RORB: variants seen among roughly 807,000 people sequenced by gnomAD.
The protein encoded by RORB is nuclear receptor ROR-beta.
In RORB, 6 loss-of-function variants were observed where a neutral mutation model predicts 59.1. That is an observed-to-expected ratio of 0.10 (90% confidence interval 0.06 to 0.20). The LOEUF (loss-of-function observed/expected upper bound fraction) is 0.20, where lower values mean the gene tolerates loss of function less well. Among genes scored for constraint, RORB ranks in the 10% least tolerant of loss-of-function variants. RORB has a pLI of 1.00. For synonymous variants in RORB, 215 were observed against 204.5 expected, an observed-to-expected ratio of 1.05 and a Z score of -0.44; for missense variants, 320 against 560.5, an observed-to-expected ratio of 0.57 and a Z score of 4.33.
At chr9:74,674,350 C>T (rs1824398925) in intron 9 of RORB, among the ~76,000 whole-genome samples, 2 of 152,162 alleles carry the variant, frequency 1.3e-5, no homozygotes, top group African/African-American at 2.4e-5. Flanking sequence ...TGAAACCTGT[C>T]TCTAAAAAAA....
chr9:74,618,148 C>A (rs948668234), intron 1 of RORB, among the ~76,000 whole-genome samples: 10 of 152,124 alleles, frequency 6.6e-5, no homozygotes, highest in African/African-American at 2.4e-4. Context: ...CACACACGCA[C>A]ACACACGCGC....
chr9:74,512,163 T>C (rs553138783), intron 1 of RORB, among the ~76,000 whole-genome samples: 5 of 152,326 alleles, frequency 3.3e-5, no homozygotes, highest in African/African-American at 4.8e-5. Context: ...GATACTCATA[T>C]AGAAAAATTA....
chr9:74,607,609 T>TATAC (rs1554669724), intron 1 of RORB, among the ~76,000 whole-genome samples: 7 of 151,580 alleles, frequency 4.6e-5, no homozygotes, highest in Admixed American at 4.6e-4. Flanking sequence ...TTTATATATA[T>TATAC]ACACACACAC....
intron 1 of RORB, among the ~76,000 whole-genome samples, chr9:74,606,674 CGT>C (rs1823154206): frequency 6.6e-6 from 1 of 152,098 alleles, no homozygotes; most frequent in African/African-American, 2.4e-5. Context: ...CCTTAGAAGA[CGT>C]AAGATGAGAA....
chr9:74,557,585 G>T (rs1411631006), intron 1 of RORB, among the ~76,000 whole-genome samples: 1 of 152,066 alleles, frequency 6.6e-6, no homozygotes, highest in African/African-American at 2.4e-5. Flanking sequence ...ATATAATCAG[G>T]TATGCAAATA....
intron 1 of RORB, among the ~76,000 whole-genome samples, chr9:74,499,818 C>A (rs1460976481): frequency 6.6e-6 from 1 of 152,174 alleles, no homozygotes; most frequent in Non-Finnish European, 1.5e-5. Context: ...TAACTTTCCC[C>A]CTGTGGCTGG....
At chr9:74,517,847 T>G (rs1246057688) in intron 1 of RORB, among the ~76,000 whole-genome samples, 1 of 152,068 alleles carries the variant, frequency 6.6e-6, no homozygotes, top group Non-Finnish European at 1.5e-5. Context: ...TAATTCTTGT[T>G]GAACACTCAC....
At chr9:74,680,548 A>C (rs765048266) in intron 9 of RORB, among the ~76,000 whole-genome samples, 10 of 152,218 alleles carry the variant, frequency 6.6e-5, no homozygotes, top group Non-Finnish European at 1.2e-4. Context: ...AGGCACTGCC[A>C]CACGGATGCT....
At chr9:74,569,947 CT>C (rs965946116) in intron 1 of RORB, among the ~76,000 whole-genome samples, 2 of 151,898 alleles carry the variant, frequency 1.3e-5, no homozygotes, top group Non-Finnish European at 2.9e-5. Flanking sequence ...TGATTAAGAT[CT>C]TTTTTATTTT....
At chr9:74,577,223 C>A (rs1391395643) in intron 1 of RORB, among the ~76,000 whole-genome samples, 1 of 151,988 alleles carries the variant, frequency 6.6e-6, no homozygotes, top group African/African-American at 2.4e-5. Flanking sequence ...ACAATCAGTT[C>A]TATGAATTGG....
intron 3 of RORB, 127 bp downstream of exon 3, chr9:74,634,899 G>A (rs1318132453): frequency 1.2e-6 from 1 of 808,712 alleles, no homozygotes; most frequent in Non-Finnish European, 1.9e-6. Flanking sequence ...AAATCACTGT[G>A]CTGCTAGTGC....
intron 1 of RORB, among the ~76,000 whole-genome samples, chr9:74,623,880 GA>G (rs1823464940): frequency 6.6e-6 from 1 of 152,178 alleles, no homozygotes; most frequent in South Asian, 2.1e-4. Flanking sequence ...CCTAAAGTAT[GA>G]GTTCAAAGCC....
At chr9:74,516,700 A>G (rs1826015702) in intron 1 of RORB, among the ~76,000 whole-genome samples, 1 of 152,000 alleles carries the variant, frequency 6.6e-6, no homozygotes, top group Non-Finnish European at 1.5e-5. Context: ...AACTTAACTG[A>G]CATATCAGTT....
intron 1 of RORB, among the ~76,000 whole-genome samples, chr9:74,577,087 T>C (rs1440345173): frequency 1.3e-5 from 2 of 152,244 alleles, no homozygotes; most frequent in Admixed American, 6.5e-5. Context: ...TGTATTCTGC[T>C]GAAGGGAGAT....
At chr9:74,651,495 A>G (rs937161269) in intron 4 of RORB, among the ~76,000 whole-genome samples, 1 of 151,436 alleles carries the variant, frequency 6.6e-6, no homozygotes, top group Non-Finnish European at 1.5e-5. Context: ...AGATTGCACC[A>G]CTGCACTTCA....
At chr9:74,635,289 T>C (rs374712106) in intron 3 of RORB, among the ~76,000 whole-genome samples, 1 of 152,252 alleles carries the variant, frequency 6.6e-6, no homozygotes, top group East Asian at 1.9e-4. Flanking sequence ...GAGCCCATAA[T>C]GAAGTTTCCA....
chr9:74,532,061 C>T (rs1265969246), intron 1 of RORB, among the ~76,000 whole-genome samples: 2 of 151,938 alleles, frequency 1.3e-5, no homozygotes, highest in African/African-American at 2.4e-5. Context: ...ACATATAATG[C>T]TGTGGAATCA....
intron 1 of RORB, among the ~76,000 whole-genome samples, chr9:74,617,035 A>G (rs1160035685): frequency 6.6e-6 from 1 of 151,962 alleles, no homozygotes; most frequent in Non-Finnish European, 1.5e-5. Context: ...TGCTAGGCTT[A>G]GTAATTCCTA....
chr9:74,550,533 T>TG (rs1826591430), intron 1 of RORB, among the ~76,000 whole-genome samples: 1 of 152,234 alleles, frequency 6.6e-6, no homozygotes, highest in Non-Finnish European at 1.5e-5. Context: ...AGAGAAGTAG[T>TG]TTTTATTTCT....
Sources: gnomAD v4.1 joint callset for allele counts (sites outside exome capture counted in the v4.1 genomes callset) on GRCh38, gnomAD v4.1.1 for gene constraint, MANE v1.5 for transcripts, NCBI Gene and HGNC (gene_info 2026-07-23, HGNC 2026-07-21) for gene names.